Variants in CHD6 observed in about 807,000 individuals in gnomAD.
CHD6 encodes the protein chromodomain helicase DNA binding protein 6.
A neutral mutation model predicts 276.9 loss-of-function variants in CHD6; 50 were observed. That is an observed-to-expected ratio of 0.18 (90% CI 0.14 to 0.23). CHD6 has a LOEUF of 0.23. CHD6 is among the 10% of genes least tolerant of loss of function. The probability of loss-of-function intolerance (pLI) is 1.00; values close to 1 mark genes in which losing one functional copy is unlikely to be tolerated. For synonymous variants in CHD6, 1,173 were observed against 1,229.3 expected, an observed-to-expected ratio of 0.95 and a Z score of 0.96; for missense variants, 2,564 against 3,365.8, an observed-to-expected ratio of 0.76 and a Z score of 5.89.
chr20:41,602,037 C>A (rs1258909048), intron 1 of CHD6, among the ~76,000 whole-genome samples: 1 of 152,214 alleles, frequency 6.6e-6, no homozygotes, highest in Non-Finnish European at 1.5e-5. Context: ...AGCTACACTG[C>A]ATTCTTTAGT....
chr20:41,458,561 GGTGTATATGTA>G (rs1569101481), intron 17 of CHD6, among the ~76,000 whole-genome samples: 1 of 151,980 alleles, frequency 6.6e-6, no homozygotes, highest in Non-Finnish European at 1.5e-5. Context: ...CTCATGGTTA[GGTGTATATGTA>G]TATATACACA....
At chr20:41,579,623 CCTT>C (rs757053032) in intron 1 of CHD6, among the ~76,000 whole-genome samples, 4 of 152,096 alleles carry the variant, frequency 2.6e-5, no homozygotes, top group East Asian at 3.9e-4. Flanking sequence ...AAGCATACCT[CCTT>C]GTCAGCAGAA....
chr20:41,615,365 A>AG (rs397799229), intron 1 of CHD6, among the ~76,000 whole-genome samples: 2 of 151,704 alleles, frequency 1.3e-5, no homozygotes, highest in South Asian at 4.2e-4. Context: ...AAAAAAAAAA[A>AG]GTTCTCTAGG....
At position 41,445,740 on chromosome 20, in the gene CHD6, C is replaced by T; in HGVS notation, c.3802G>A (p.Asp1268Asn). The change falls in exon 25 of 37, where the codon GAC becomes AAC. Residue 1268 changes from aspartate (D) to asparagine (N), a missense_variant. Asp to Asn is a conservative substitution (Grantham distance 23). Transcript: ENST00000373233. ...CAGTCCACTGGGATCTCCATGTAGTCGATGTCAGGCAGAGGTACATCCAGC... is the reference window on the plus strand; with the variant it reads ...CAGTCCACTGGGATCTCCATGTAGTTGATGTCAGGCAGAGGTACATCCAGC... ...RELDVPLPDI[D>N]YMEIPVDWWD... 2.5e-6 allele frequency: 4 copies of T among 1,613,314 alleles called. No homozygotes were observed. Among genetic ancestry groups the T allele is most frequent in the East Asian group, 2.2e-5 (1 of 44,876 alleles).
chr20:41,431,956 C>G (rs969177185), intron 27 of CHD6, among the ~76,000 whole-genome samples: 2 of 151,472 alleles, frequency 1.3e-5, no homozygotes, highest in Admixed American at 1.3e-4. Flanking sequence ...GTCAGGAGTT[C>G]GAGACCAGCC....
At chr20:41,529,600 G>A (rs1320934456) in intron 3 of CHD6, among the ~76,000 whole-genome samples, 1 of 152,166 alleles carries the variant, frequency 6.6e-6, no homozygotes, top group Admixed American at 6.5e-5. Flanking sequence ...AGAATGGAAA[G>A]GACTTGGGAT....
chr20:41,517,026 G>A (rs1419100909), intron 3 of CHD6, among the ~76,000 whole-genome samples: 1 of 152,170 alleles, frequency 6.6e-6, no homozygotes, highest in Admixed American at 6.5e-5. Flanking sequence ...CGCTCAATCT[G>A]CCTGCTTCCC....
chr20:41,454,767 G>A, intron 19 of CHD6, 31 bp from the exon 20 acceptor site: 1 of 1,492,390 alleles, frequency 6.7e-7, no homozygotes, highest in South Asian at 1.2e-5. Flanking sequence ...AATAAACTGT[G>A]CTTGAACACA....
intron 1 of CHD6, among the ~76,000 whole-genome samples, chr20:41,596,874 G>T (rs1195935074): frequency 2.6e-5 from 4 of 152,192 alleles, no homozygotes; most frequent in Non-Finnish European, 5.9e-5. Flanking sequence ...GGAAAGATCG[G>T]CCTATAGAGG....
At position 41,484,503 on chromosome 20, in the gene CHD6, T is replaced by C; in HGVS notation, c.2106A>G (p.Glu702=). 3 of 1,613,944 alleles carry C rather than the reference T, an allele frequency of 1.9e-6. No homozygotes were observed. Among genetic ancestry groups the C allele is most frequent in the Non-Finnish European group, 2.5e-6 (3 of 1,179,860 alleles). Residue 702 remains glutamate, a synonymous_variant, in exon 15 of 37, where the codon GAA becomes GAG. Transcript: ENST00000373233. ...APKQETIIEV[E]LTNIQKKYYR... ...AGTACTTTTTCTGGATATTGGTCAG[T>C]TCCACCTCAATGATCGTCTCTTGTT... is the stretch of plus-strand genomic sequence containing the variant.
chr20:41,567,312 T>C (rs531225744), intron 1 of CHD6, among the ~76,000 whole-genome samples: 1 of 152,298 alleles, frequency 6.6e-6, no homozygotes, highest in African/African-American at 2.4e-5. Context: ...CTTCGGTCAC[T>C]GTGTCTAGCC....
chr20:41,560,838 T>TAA (rs73622090), intron 1 of CHD6, among the ~76,000 whole-genome samples: 3 of 143,838 alleles, frequency 2.1e-5, no homozygotes, highest in Non-Finnish European at 3.1e-5. Context: ...CTAAAACAAA[T>TAA]AAAAAAAAAA....
chr20:41,482,821 T>C (rs909959282), intron 16 of CHD6, among the ~76,000 whole-genome samples: 4 of 152,146 alleles, frequency 2.6e-5, no homozygotes, highest in South Asian at 2.1e-4. Context: ...TGGGATGCCA[T>C]AGCCAGTGCA....
At chr20:41,551,519 A>C (rs932114430) in intron 1 of CHD6, among the ~76,000 whole-genome samples, 159 bp from the exon 2 acceptor site, 4 of 152,226 alleles carry the variant, frequency 2.6e-5, no homozygotes, top group Non-Finnish European at 4.4e-5. Context: ...GTGTACACCT[A>C]ATTAGATCTA....
intron 1 of CHD6, among the ~76,000 whole-genome samples, chr20:41,572,482 C>T (rs2045428672): frequency 2.0e-5 from 3 of 152,254 alleles, no homozygotes; most frequent in East Asian, 1.9e-4. Flanking sequence ...GGCTTGTATC[C>T]CAGAGAGTTG....
intron 17 of CHD6, among the ~76,000 whole-genome samples, chr20:41,470,699 C>T (rs6029697): frequency 0.44 from 66,476 of 152,166 alleles, 16,829 homozygotes; most frequent in East Asian, 0.7. Context: ...ACCCAACTTC[C>T]CTGGTTGCTA....
At chr20:41,527,659 T>C (rs371349475) in intron 3 of CHD6, among the ~76,000 whole-genome samples, 1 of 152,084 alleles carries the variant, frequency 6.6e-6, no homozygotes, top group Non-Finnish European at 1.5e-5. Context: ...AAGAAAAAAA[T>C]GAAATTCACA....
intron 1 of CHD6, among the ~76,000 whole-genome samples, chr20:41,596,140 C>A (rs1416273171): frequency 6.6e-6 from 1 of 152,158 alleles, no homozygotes; most frequent in Non-Finnish European, 1.5e-5. Context: ...GGAGTAGTCG[C>A]CCAAACATGC....
chr20:41,415,803 C>T (rs1300752491), intron 33 of CHD6, among the ~76,000 whole-genome samples, 165 bp from the exon 34 acceptor site: 1 of 152,198 alleles, frequency 6.6e-6, no homozygotes, highest in Non-Finnish European at 1.5e-5. Context: ...TGTTAAAATG[C>T]AGATTCTACT....
Sources: allele counts gnomAD v4.1 joint callset (sites outside exome capture counted in the v4.1 genomes callset), GRCh38; gene constraint gnomAD v4.1.1; transcripts MANE v1.5; gene names NCBI Gene and HGNC (gene_info 2026-07-23, HGNC 2026-07-21).